Variants in ZNF804B observed in about 807,000 individuals in gnomAD.
The protein encoded by ZNF804B is zinc finger 804B.
In ZNF804B, 80 loss-of-function variants were observed where a neutral mutation model predicts 101.4. The ratio of observed to expected loss-of-function variants is 0.79; its 90% CI spans 0.66 to 0.95. The LOEUF (loss-of-function observed/expected upper bound fraction) is 0.95. Ranked by LOEUF, ZNF804B falls within the 40% of genes least tolerant of loss-of-function variation. ZNF804B has a pLI of 0.00. For missense variants in ZNF804B, 1,673 were observed against 1,561.9 expected, an observed-to-expected ratio of 1.07 and a Z score of -1.20; for synonymous variants, 622 against 558.8, an observed-to-expected ratio of 1.11 and a Z score of -1.59.
chr7:89,197,808 T>TGAG (rs1477818853), intron 1 of ZNF804B, among the ~76,000 whole-genome samples: 1 of 151,892 alleles, frequency 6.6e-6, no homozygotes, highest in Non-Finnish European at 1.5e-5. Flanking sequence ...AAAGATATCT[T>TGAG]TAGTTAAAGA....
chr7:88,891,978 C>A (rs1399848467), intron 1 of ZNF804B, among the ~76,000 whole-genome samples: 3 of 151,894 alleles, frequency 2.0e-5, no homozygotes, highest in Non-Finnish European at 2.9e-5. Context: ...TCAGTGTTTA[C>A]CCCAAATATT....
chr7:89,024,617 T>TA (rs1788719609), intron 1 of ZNF804B, among the ~76,000 whole-genome samples: 1 of 107,416 alleles, frequency 9.3e-6, no homozygotes, highest in East Asian at 2.9e-4. Flanking sequence ...TTTTTTTTTT[T>TA]ACAAAAAGTT....
intron 2 of ZNF804B, among the ~76,000 whole-genome samples, chr7:89,280,672 C>T (rs986791277): frequency 6.6e-6 from 1 of 150,510 alleles, no homozygotes. Context: ...GGATAAATTC[C>T]TCGACACATA....
chr7:88,772,298 T>G lies in ZNF804B; in HGVS notation c.108+12214T>G, dbSNP rs183304279. Among the ~76,000 whole-genome samples, 38 of 152,302 alleles carry G rather than the reference T, an allele frequency of 2.5e-4. No homozygotes were observed. In the East Asian group the frequency reaches 6.6e-3, roughly 26 times the overall value. Reference sequence around the variant, plus strand: ...TGTGTTACAAAAAAACCATAAATCTTCTTTATGTGTTTCTTCCAATAGTAG... The same window carrying G: ...TGTGTTACAAAAAAACCATAAATCTGCTTTATGTGTTTCTTCCAATAGTAG... On this transcript the variant is annotated intron_variant, in intron 1 of 3. Coordinates refer to ENST00000333190, the MANE Select transcript of ZNF804B (RefSeq NM_181646.5).
chr7:89,198,780 C>T (rs1017274167), intron 1 of ZNF804B, among the ~76,000 whole-genome samples: 14 of 151,552 alleles, frequency 9.2e-5, no homozygotes, highest in African/African-American at 2.4e-4. Context: ...AAAACCTAGT[C>T]CATGTGTACT....
chr7:88,919,223 C>T (rs576629189), intron 1 of ZNF804B, among the ~76,000 whole-genome samples: 38 of 152,116 alleles, frequency 2.5e-4, no homozygotes, highest in African/African-American at 6.3e-4. Flanking sequence ...ATTGATGATG[C>T]CTTAAGCCAT....
At chr7:89,292,075 A>T (rs571620353) in intron 2 of ZNF804B, among the ~76,000 whole-genome samples, 1 of 152,286 alleles carries the variant, frequency 6.6e-6, no homozygotes, top group African/African-American at 2.4e-5. Flanking sequence ...AAGAGAAATA[A>T]GGACTTTCCC....
intron 1 of ZNF804B, among the ~76,000 whole-genome samples, chr7:88,891,743 G>A (rs1002632780): frequency 6.7e-6 from 1 of 150,296 alleles, no homozygotes; most frequent in African/African-American, 2.4e-5. Flanking sequence ...GAATTTTGAT[G>A]TTTCTTTTTT....
chr7:88,857,634 CA>C (rs1356578185), intron 1 of ZNF804B, among the ~76,000 whole-genome samples: 1 of 151,594 alleles, frequency 6.6e-6, no homozygotes, highest in Non-Finnish European at 1.5e-5. Context: ...GCTTACCAAC[CA>C]AAAAAAGTCC....
chr7:89,193,004 A>G (rs1294572697), intron 1 of ZNF804B, among the ~76,000 whole-genome samples: 1 of 152,108 alleles, frequency 6.6e-6, no homozygotes, highest in South Asian at 2.1e-4. Flanking sequence ...GCCTTAAAAT[A>G]ATAAGAGCCA....
intron 2 of ZNF804B, among the ~76,000 whole-genome samples, chr7:89,298,788 A>G (rs1381544789): frequency 6.6e-6 from 1 of 151,992 alleles, no homozygotes; most frequent in Non-Finnish European, 1.5e-5. Context: ...AGGTAAATAT[A>G]TGTTCAATTT....
intron 1 of ZNF804B, among the ~76,000 whole-genome samples, chr7:89,207,305 G>A (rs1288684036): frequency 2.0e-5 from 3 of 152,168 alleles, no homozygotes; most frequent in African/African-American, 7.2e-5. Context: ...GTTCCACATG[G>A]CTGGGGAGGC....
Position 89,049,595 on chromosome 7 carries a change from G to A in ZNF804B, c.109-168560G>A, listed in dbSNP as rs151256846. Among the ~76,000 whole-genome samples the A allele has an allele frequency of 4.5e-4, 68 of 152,020 alleles. 1 individual carries two copies. The East Asian group carries it at 0.011, about 24-fold the overall frequency. ...ACAACTTTAGTACTCAGCTATTACCGGAAAAGTCCCTGATGAATGTATTTG... is the reference window on the plus strand; with the variant it reads ...ACAACTTTAGTACTCAGCTATTACCAGAAAAGTCCCTGATGAATGTATTTG... On this transcript the variant is annotated intron_variant, in intron 1 of 3. Transcript: ENST00000333190.
intron 1 of ZNF804B, among the ~76,000 whole-genome samples, chr7:88,860,567 T>C (rs1471729946): frequency 1.3e-5 from 2 of 152,128 alleles, no homozygotes; most frequent in Non-Finnish European, 2.9e-5. Flanking sequence ...TTCATGTGAA[T>C]TCTTTATCAG....
At chr7:88,853,399 C>CATAAAATCT (rs1447622564) in intron 1 of ZNF804B, among the ~76,000 whole-genome samples, 3 of 152,052 alleles carry the variant, frequency 2.0e-5, no homozygotes, top group Non-Finnish European at 4.4e-5. Flanking sequence ...GTCAAGGCTC[C>CATAAAATCT]ATAAAATCTT....
intron 1 of ZNF804B, among the ~76,000 whole-genome samples, chr7:88,861,967 G>A (rs1046837263): frequency 6.6e-6 from 1 of 152,048 alleles, no homozygotes; most frequent in East Asian, 1.9e-4. Context: ...GGGCTGGGGG[G>A]ACCCAATGCT....
chr7:88,767,624 A>G (rs973434205), intron 1 of ZNF804B, among the ~76,000 whole-genome samples: 6 of 152,166 alleles, frequency 3.9e-5, no homozygotes, highest in Non-Finnish European at 8.8e-5. Flanking sequence ...GCTTCATCTG[A>G]TATGAAAGGA....
intron 1 of ZNF804B, among the ~76,000 whole-genome samples, chr7:88,873,921 C>T (rs1326035984): frequency 3.9e-5 from 6 of 152,098 alleles, no homozygotes; most frequent in East Asian, 1.9e-4. Context: ...CCAGCTTTGT[C>T]CTTTTGGCTT....
At chr7:89,109,414 T>C (rs936352230) in intron 1 of ZNF804B, among the ~76,000 whole-genome samples, 4 of 152,312 alleles carry the variant, frequency 2.6e-5, no homozygotes, top group Non-Finnish European at 5.9e-5. Flanking sequence ...GTCATTCCAA[T>C]GAGAATGGCT....
Sources: allele counts gnomAD v4.1 joint callset (sites outside exome capture counted in the v4.1 genomes callset), GRCh38; gene constraint gnomAD v4.1.1; transcripts MANE v1.5; gene names NCBI Gene and HGNC (gene_info 2026-07-23, HGNC 2026-07-21).